Variants in EXOC6B observed in about 807,000 individuals in gnomAD.
EXOC6B encodes the protein SEC15 homolog B.
In EXOC6B, 54 loss-of-function variants were observed where a neutral mutation model predicts 113.5. That is an observed-to-expected ratio of 0.48 (90% confidence interval 0.38 to 0.60). The LOEUF is 0.60. Ranked by LOEUF, EXOC6B falls within the 20% of genes least tolerant of loss-of-function variation. The pLI, the probability that EXOC6B is intolerant of heterozygous loss-of-function variation, is 0.00. For missense variants in EXOC6B, 797 were observed against 977.5 expected (o/e 0.82, Z 2.46); for synonymous variants, 357 against 339.0 (o/e 1.05, Z -0.58).
At chr2:72,251,375 T>C (rs990332267) in intron 20 of EXOC6B, among the ~76,000 whole-genome samples, 3 of 152,360 alleles carry the variant, frequency 2.0e-5, no homozygotes, top group African/African-American at 7.2e-5. Context: ...AAGGAGTGGA[T>C]ATGACAATGA....
chr2:72,262,258 T>A (rs780075626), intron 20 of EXOC6B, among the ~76,000 whole-genome samples: 4 of 151,942 alleles, frequency 2.6e-5, no homozygotes, highest in African/African-American at 9.7e-5. Flanking sequence ...AAACAAGATG[T>A]ATCTCAGGTA....
At chr2:72,628,864 A>G (rs115659067) in intron 6 of EXOC6B, among the ~76,000 whole-genome samples, 2,444 of 152,324 alleles carry the variant, frequency 0.016, 27 homozygotes, top group Middle Eastern at 0.054. Flanking sequence ...AGAAATGTAT[A>G]TAAAGTACAT....
intron 20 of EXOC6B, among the ~76,000 whole-genome samples, chr2:72,317,264 T>C (rs975555997): frequency 6.6e-6 from 1 of 151,924 alleles, no homozygotes; most frequent in Non-Finnish European, 1.5e-5. Context: ...TAGAGTTTCA[T>C]ACTTTGCAGA....
At position 72,393,911 on chromosome 2, in the gene EXOC6B, GA is replaced by G. The variant is rs542286605; in HGVS notation, c.1981-14042del. Among the ~76,000 whole-genome samples the G allele has an allele frequency of 1.1e-4, 17 of 152,036 alleles. No homozygotes were observed. The South Asian group carries it at 1.9e-3, about 17-fold the overall frequency. On this transcript the variant is annotated intron_variant, in intron 18 of 21. Coordinates refer to ENST00000272427, the MANE Select transcript of EXOC6B (RefSeq NM_015189.3). ...ATAATAGTGTCAGAGCAAAAGCAAAGAAAAAATATATATAAAGATAAATAGA... is the reference window on the plus strand; with the variant it reads ...ATAATAGTGTCAGAGCAAAAGCAAAGAAAAATATATATAAAGATAAATAGA...
chr2:72,319,094 G>C (rs1351010432), intron 20 of EXOC6B, among the ~76,000 whole-genome samples: 1 of 151,480 alleles, frequency 6.6e-6, no homozygotes, highest in Non-Finnish European at 1.5e-5. Context: ...CAGATTAAAA[G>C]GCTTTAGATA....
chr2:72,201,099 T>C (rs73942558), intron 20 of EXOC6B, among the ~76,000 whole-genome samples: 107 of 151,638 alleles, frequency 7.1e-4, no homozygotes, highest in South Asian at 6.0e-3. Flanking sequence ...TATATATATA[T>C]ACACACACAC....
intron 18 of EXOC6B, among the ~76,000 whole-genome samples, chr2:72,387,774 A>C (rs913257284): frequency 6.6e-6 from 1 of 151,614 alleles, no homozygotes; most frequent in Non-Finnish European, 1.5e-5. Context: ...TTTAAAAAAT[A>C]GTGTTTTATT....
At chr2:72,559,339 G>T in intron 8 of EXOC6B, 114 bp downstream of exon 8, 1 of 639,260 alleles carries the variant, frequency 1.6e-6, no homozygotes, top group Non-Finnish European at 2.4e-6. Flanking sequence ...TAAACAACAA[G>T]AGTTTTCTCA....
intron 20 of EXOC6B, among the ~76,000 whole-genome samples, chr2:72,253,589 CA>C (rs1683158854): frequency 6.6e-6 from 1 of 152,134 alleles, no homozygotes; most frequent in Non-Finnish European, 1.5e-5. Context: ...TGAGCTAACA[CA>C]AGAACAGAAA....
At chr2:72,667,109 C>T (rs372947409) in intron 6 of EXOC6B, among the ~76,000 whole-genome samples, 12 of 152,138 alleles carry the variant, frequency 7.9e-5, no homozygotes, top group South Asian at 6.2e-4. Context: ...GAGATCCACC[C>T]GCCTTTGTCT....
At chr2:72,390,942 A>G (rs958778860) in intron 18 of EXOC6B, among the ~76,000 whole-genome samples, 1 of 152,236 alleles carries the variant, frequency 6.6e-6, no homozygotes, top group African/African-American at 2.4e-5. Context: ...AAGAATCTCA[A>G]TGCAAGGTTA....
chr2:72,179,559 AC>A, intron 21 of EXOC6B, 98 bp from the exon 22 acceptor site: 2 of 1,372,180 alleles, frequency 1.5e-6, no homozygotes, highest in Non-Finnish European at 2.1e-6. Context: ...CTTAACCACT[AC>A]CCAGAGTAAT....
At position 72,368,564 on chromosome 2, in the gene EXOC6B, A is replaced by C. The variant is rs895880316; in HGVS notation, c.2122+11165T>G. 7.2e-5 allele frequency among the ~76,000 whole-genome samples: 11 copies of C among 152,338 alleles called. 1 individual carries two copies. Among genetic ancestry groups the C allele is most frequent in the African/African-American group, 2.6e-4 (11 of 41,592 alleles). On this transcript the variant is annotated intron_variant, in intron 19 of 21. Transcript: ENST00000272427. ...AAGCCTGGCAGAGACACAACAAAAAAAGAGAATTTTAGACCAATATCCCTG... is the reference window on the plus strand; with the variant it reads ...AAGCCTGGCAGAGACACAACAAAAACAGAGAATTTTAGACCAATATCCCTG...
At chr2:72,377,838 A>C (rs1691446145) in intron 19 of EXOC6B, among the ~76,000 whole-genome samples, 1 of 152,058 alleles carries the variant, frequency 6.6e-6, no homozygotes, top group South Asian at 2.1e-4. Flanking sequence ...AAGAAAGGAG[A>C]CTTTGTTTTT....
chr2:72,609,522 T>TAAA (rs35677129), intron 6 of EXOC6B, among the ~76,000 whole-genome samples: 15 of 138,836 alleles, frequency 1.1e-4, no homozygotes, highest in African/African-American at 3.2e-4. Context: ...TAAAAATAAT[T>TAAA]AAAAAAAAAA....
At chr2:72,696,874 C>G (rs140261824) in intron 6 of EXOC6B, among the ~76,000 whole-genome samples, 2,476 of 152,180 alleles carry the variant, frequency 0.016, 89 homozygotes, top group African/African-American at 0.057. Context: ...GTTTGTTACA[C>G]AGCAATGAAT....
chr2:72,634,154 A>T (rs1349683211), intron 6 of EXOC6B, among the ~76,000 whole-genome samples: 1 of 152,208 alleles, frequency 6.6e-6, no homozygotes, highest in East Asian at 1.9e-4. Flanking sequence ...GAAAGACTCA[A>T]GAAGAGACTA....
chr2:72,813,234 T>A (rs577574160), intron 1 of EXOC6B, among the ~76,000 whole-genome samples: 1 of 151,942 alleles, frequency 6.6e-6, no homozygotes, highest in Admixed American at 6.6e-5. Context: ...GGGACTATAG[T>A]GCATGCCACG....
At chr2:72,701,464 CA>C (rs1678340045) in intron 6 of EXOC6B, among the ~76,000 whole-genome samples, 1 of 151,168 alleles carries the variant, frequency 6.6e-6, no homozygotes, top group Non-Finnish European at 1.5e-5. Flanking sequence ...GCAAAGTAAA[CA>C]CCTAAGAAAG....
Sources: gnomAD v4.1 joint callset for allele counts (sites outside exome capture counted in the v4.1 genomes callset) on GRCh38, gnomAD v4.1.1 for gene constraint, MANE v1.5 for transcripts, NCBI Gene and HGNC (gene_info 2026-07-23, HGNC 2026-07-21) for gene names.